NCAM1: variants seen among roughly 807,000 people sequenced by gnomAD.
NCAM1 encodes antigen recognized by monoclonal antibody 5.1H11.
A neutral mutation model predicts 109.8 loss-of-function variants in NCAM1; 14 were observed. The ratio of observed to expected loss-of-function variants is 0.13; its 90% confidence interval spans 0.08 to 0.20. The LOEUF (loss-of-function observed/expected upper bound fraction) is 0.20. NCAM1 is among the 10% of genes least tolerant of loss of function. The pLI is 1.00. For synonymous variants in NCAM1, 418 were observed against 442.9 expected (o/e 0.94, Z 0.70); for missense variants, 774 against 1,109.9 (o/e 0.70, Z 4.30).
At chr11:113,095,618 C>A (rs17114819) in intron 1 of NCAM1, among the ~76,000 whole-genome samples, 11,030 of 152,268 alleles carry the variant, frequency 0.072, 771 homozygotes, top group Admixed American at 0.17. Flanking sequence ...AACTGGAAAC[C>A]ATTCAATTAA....
chr11:113,168,236 T>C (rs1942872911), intron 1 of NCAM1, among the ~76,000 whole-genome samples: 1 of 152,240 alleles, frequency 6.6e-6, no homozygotes, highest in African/African-American at 2.4e-5. Context: ...TTCTGAGAAC[T>C]AAAATCTTGT....
intron 1 of NCAM1, among the ~76,000 whole-genome samples, chr11:113,152,503 A>G (rs896591792): frequency 9.9e-5 from 15 of 152,256 alleles, no homozygotes; most frequent in Non-Finnish European, 1.9e-4. Flanking sequence ...GTTCTCCTTC[A>G]GAGCACTTTG....
chr11:113,271,369 CAAAAAAAAAAAAAAAAAA>C (rs71060298), intron 18 of NCAM1, among the ~76,000 whole-genome samples: 1 of 66,876 alleles, frequency 1.5e-5, no homozygotes, highest in Non-Finnish European at 2.5e-5. Context: ...GACTCTGTCT[CAAAAAAAAAAAAAAAAAA>C]AAAAAAAAAG....
At chr11:112,966,766 C>T (rs556799670) in intron 1 of NCAM1, among the ~76,000 whole-genome samples, 7 of 152,350 alleles carry the variant, frequency 4.6e-5, no homozygotes, top group Admixed American at 1.3e-4. Context: ...TGCCAAATGG[C>T]GGCCTTTCAG....
chr11:113,172,329 T>C (rs1046902237), intron 1 of NCAM1, among the ~76,000 whole-genome samples: 3 of 152,196 alleles, frequency 2.0e-5, no homozygotes, highest in Admixed American at 6.5e-5. Flanking sequence ...TTGTCTCGTG[T>C]ATTGCATGAA....
chr11:113,065,672 C>G (rs1253755255), intron 1 of NCAM1, among the ~76,000 whole-genome samples: 2 of 152,096 alleles, frequency 1.3e-5, no homozygotes, highest in African/African-American at 4.8e-5. Context: ...TCAAATCTGT[C>G]AAGGTTATCA....
At chr11:113,271,912 A>G (rs1301145193) in intron 19 of NCAM1, 36 bp downstream of exon 19, 18 of 1,496,732 alleles carry the variant, frequency 1.2e-5, no homozygotes, top group African/African-American at 2.8e-5. Flanking sequence ...CCTGCTCCGT[A>G]GAGACCCCCA....
intron 1 of NCAM1, among the ~76,000 whole-genome samples, chr11:113,028,760 C>G (rs1458077849): frequency 6.6e-6 from 1 of 152,144 alleles, no homozygotes; most frequent in Non-Finnish European, 1.5e-5. Flanking sequence ...TTGGTTTTTA[C>G]TTTATAAATA....
intron 1 of NCAM1, among the ~76,000 whole-genome samples, chr11:113,154,769 G>T (rs782678560): frequency 6.6e-6 from 1 of 152,182 alleles, no homozygotes; most frequent in Non-Finnish European, 1.5e-5. Context: ...GGACAGAATT[G>T]TAAGGTCATG....
At chr11:113,270,549 G>T (rs1946244418) in intron 18 of NCAM1, 154 bp downstream of exon 18, 4 of 702,122 alleles carry the variant, frequency 5.7e-6, no homozygotes, top group Non-Finnish European at 9.5e-6. Flanking sequence ...TTAGAGAAAA[G>T]TTTCTCAAAG....
intron 1 of NCAM1, among the ~76,000 whole-genome samples, chr11:113,031,721 G>C (rs1952726379): frequency 6.6e-6 from 1 of 151,838 alleles, no homozygotes; most frequent in African/African-American, 2.4e-5. Context: ...AAAGAAAAAA[G>C]GACACTTGTT....
intron 1 of NCAM1, among the ~76,000 whole-genome samples, chr11:113,073,082 C>T (rs1324350190): frequency 6.6e-6 from 1 of 152,118 alleles, no homozygotes; most frequent in Non-Finnish European, 1.5e-5. Context: ...CTCTAAATAT[C>T]TCAAAGAAGT....
chr11:113,191,277 C>T (rs1260816594), intron 1 of NCAM1, among the ~76,000 whole-genome samples: 8 of 152,100 alleles, frequency 5.3e-5, no homozygotes, highest in African/African-American at 1.4e-4. Flanking sequence ...GGAAAGTCTA[C>T]GGCAGGGAGA....
At chr11:112,998,341 A>G (rs1951655241) in intron 1 of NCAM1, among the ~76,000 whole-genome samples, 1 of 152,140 alleles carries the variant, frequency 6.6e-6, no homozygotes, top group Non-Finnish European at 1.5e-5. Context: ...AGAGTCCTGG[A>G]GGCAGTTAGA....
At chr11:112,978,061 G>A (rs184072105) in intron 1 of NCAM1, among the ~76,000 whole-genome samples, 3 of 151,916 alleles carry the variant, frequency 2.0e-5, no homozygotes, top group East Asian at 1.9e-4. Context: ...GATCCTGAAC[G>A]TTGGGGTGAA....
intron 1 of NCAM1, among the ~76,000 whole-genome samples, chr11:113,128,880 GTAAC>G (rs1265764353): frequency 6.6e-6 from 1 of 151,016 alleles, no homozygotes; most frequent in East Asian, 2.0e-4. Flanking sequence ...CAATTGGAGA[GTAAC>G]TAAAATACTT....
chr11:113,252,938 A>G (rs1945729009), intron 15 of NCAM1, among the ~76,000 whole-genome samples: 1 of 149,792 alleles, frequency 6.7e-6, no homozygotes, highest in Admixed American at 6.8e-5. Context: ...GGTGTGAGCC[A>G]CTGTGACCAG....
intron 1 of NCAM1, among the ~76,000 whole-genome samples, chr11:112,988,214 A>C (rs1555070017): frequency 1.3e-5 from 2 of 152,112 alleles, no homozygotes; most frequent in African/African-American, 2.4e-5. Flanking sequence ...TTTGTGTCAC[A>C]ATTTACTTCC....
At chr11:113,105,826 G>A (rs1340674276) in intron 1 of NCAM1, among the ~76,000 whole-genome samples, 1 of 152,174 alleles carries the variant, frequency 6.6e-6, no homozygotes, top group Non-Finnish European at 1.5e-5. Context: ...TCTAAAATTA[G>A]TGGCGCTGGT....
Sources: allele counts gnomAD v4.1 joint callset (sites outside exome capture counted in the v4.1 genomes callset), GRCh38; gene constraint gnomAD v4.1.1; transcripts MANE v1.5; gene names NCBI Gene and HGNC (gene_info 2026-07-23, HGNC 2026-07-21).